The following RUNX1T1 variants were observed in gnomAD, a reference collection of about 807,000 sequenced individuals.
RUNX1T1 encodes the protein protein CBFA2T1.
RUNX1T1 carries 4 observed loss-of-function variants against 62.8 expected under a neutral mutation model. The ratio of observed to expected loss-of-function variants is 0.06; its 90% CI spans 0.03 to 0.15. RUNX1T1 has a LOEUF of 0.15. Among genes scored for constraint, RUNX1T1 ranks in the 10% least tolerant of loss-of-function variants. The pLI is 1.00. For missense variants in RUNX1T1, 508 were observed against 754.3 expected (o/e 0.67, Z 3.82); for synonymous variants, 291 against 286.0 (o/e 1.02, Z -0.18).
intron 10 of RUNX1T1, among the ~76,000 whole-genome samples, chr8:91,962,525 A>G (rs1395253941): frequency 6.6e-6 from 1 of 152,248 alleles, no homozygotes; most frequent in Admixed American, 6.5e-5. Flanking sequence ...CGCAAGTCTC[A>G]TTACCATAAC....
chr8:91,999,421 T>G (rs1176885588), intron 5 of RUNX1T1, among the ~76,000 whole-genome samples: 2 of 152,150 alleles, frequency 1.3e-5, no homozygotes, highest in Admixed American at 1.3e-4. Flanking sequence ...CTCAAAGCTA[T>G]GGAGAGAACT....
rs376282920 is a variant in RUNX1T1 at position 92,014,563 on chromosome 8, G to A, written c.387+16C>T. ...CCCTTACACCAAGAAAACTGGGTTG[G>A]TTTCCATTTGCTTACCACTAGTCCC... On this transcript the variant is annotated intron_variant, in intron 3 of 10. Coordinates refer to ENST00000396218, the Ensembl canonical transcript of RUNX1T1. The A allele has an allele frequency of 2.3e-5, 37 of 1,578,346 alleles. No homozygotes were observed. In the African/African-American group the frequency reaches 4.6e-4, roughly 20 times the overall value.
intron 5 of RUNX1T1, chr8:92,004,842 G>T (rs1293664887): frequency 6.3e-6 from 2 of 315,220 alleles, no homozygotes; most frequent in Non-Finnish European, 1.2e-5. Flanking sequence ...AGTGGTACTT[G>T]GCAAATCAGA....
At chr8:91,983,259 A>G (rs902225294) in intron 8 of RUNX1T1, among the ~76,000 whole-genome samples, 3 of 152,034 alleles carry the variant, frequency 2.0e-5, no homozygotes, top group African/African-American at 7.2e-5. Flanking sequence ...TTCAATTAGT[A>G]ATAGATTAAT....
chr8:91,957,855 G>T, downstream of RUNX1T1: 1 of 223,182 alleles, frequency 4.5e-6, no homozygotes, highest in Non-Finnish European at 8.9e-6. Context: ...CTGGCAGATG[G>T]ACTTCCAACA....
chr8:92,018,606 A>G (rs1187808883), intron 1 of RUNX1T1, among the ~76,000 whole-genome samples: 3 of 152,260 alleles, frequency 2.0e-5, no homozygotes, highest in Non-Finnish European at 4.4e-5. Flanking sequence ...TATAATAACC[A>G]CAGTGAGAAA....
At chr8:92,084,712 G>A (rs761000455) in intron 1 of RUNX1T1, among the ~76,000 whole-genome samples, 4 of 152,098 alleles carry the variant, frequency 2.6e-5, no homozygotes, top group African/African-American at 7.2e-5. Context: ...GTCACCAGAG[G>A]CTTAGGAGAG....
At chr8:92,035,281 G>C (rs996420930) in intron 1 of RUNX1T1, among the ~76,000 whole-genome samples, 70 of 137,170 alleles carry the variant, frequency 5.1e-4, no homozygotes, top group Non-Finnish European at 1.6e-4. Context: ...AGCGATAAGA[G>C]TGAAATTCCA....
chr8:92,100,715 A>G (rs757765795), upstream of RUNX1T1, among the ~76,000 whole-genome samples: 4 of 152,216 alleles, frequency 2.6e-5, no homozygotes, highest in Non-Finnish European at 5.9e-5. Context: ...AAAAAAACGA[A>G]AATGAAATCA....
At chr8:91,970,043 T>TGTGTGTGGTGTGTG (rs11374252) in intron 10 of RUNX1T1, among the ~76,000 whole-genome samples, 2 of 142,716 alleles carry the variant, frequency 1.4e-5, no homozygotes, top group Admixed American at 7.0e-5. Context: ...TGTGTGTGTG[T>TGTGTGTGGTGTGTG]TGTGTGTGTG....
rs973460379 is a variant in RUNX1T1, at chr8:92,007,623, C to T, written c.478-2326G>A. ...CACCTAGAATATATGGTATAGTCTA[C>T]GGCTCCTAGGCTATAAACATGTACA... On this transcript the variant is annotated intron_variant, in intron 4 of 10. Coordinates refer to ENST00000396218, the Ensembl canonical transcript of RUNX1T1. 9.9e-5 allele frequency among the ~76,000 whole-genome samples: 15 copies of T among 152,124 alleles called. 1 individual carries two copies. Among genetic ancestry groups the T allele is most frequent in the Admixed American group, 1.3e-4 (2 of 15,278 alleles).
intron 5 of RUNX1T1, chr8:92,004,374 T>C (rs1820333054): frequency 6.6e-6 from 1 of 152,248 alleles, no homozygotes; most frequent in Non-Finnish European, 1.5e-5. Flanking sequence ...AGAAGATAAT[T>C]ATAGATGAGG....
At chr8:92,017,175 T>A (rs191605549) in intron 2 of RUNX1T1, 51 bp downstream of exon 3, 9 of 1,323,410 alleles carry the variant, frequency 6.8e-6, no homozygotes, top group African/African-American at 4.4e-5. Flanking sequence ...CAGAAAAAAA[T>A]TTAATTTAAA....
intron 10 of RUNX1T1, among the ~76,000 whole-genome samples, chr8:91,966,236 C>T (rs1229599402): frequency 6.6e-6 from 1 of 151,286 alleles, no homozygotes; most frequent in East Asian, 1.9e-4. Flanking sequence ...TGGGAATCAA[C>T]TGGTCTGATG....
intron 5 of RUNX1T1, chr8:92,003,467 T>C (rs1820151513): frequency 4.5e-6 from 2 of 440,958 alleles, no homozygotes; most frequent in South Asian, 3.2e-5. Context: ...GTAAGTTGTG[T>C]CCATTTTCAA....
chr8:92,102,108 G>T (rs1162036235), upstream of RUNX1T1, among the ~76,000 whole-genome samples: 1 of 152,210 alleles, frequency 6.6e-6, no homozygotes, highest in Non-Finnish European at 1.5e-5. The surrounding 1 kb of genome is among the most constrained non-coding windows in gnomAD (Gnocchi z 4.5). Flanking sequence ...GGCCGGGGCG[G>T]CTGAGTCCAG....
chr8:92,020,892 T>G (rs2131207994), intron 1 of RUNX1T1, among the ~76,000 whole-genome samples: 1 of 152,082 alleles, frequency 6.6e-6, no homozygotes, highest in Non-Finnish European at 1.5e-5. Context: ...TTACTTTACT[T>G]TTAGTTAGTT....
At chr8:92,010,757 A>C (rs1486742822) in intron 4 of RUNX1T1, 1 of 361,964 alleles carries the variant, frequency 2.8e-6, no homozygotes, top group African/African-American at 2.1e-5. Context: ...AAAAATGAAC[A>C]AAACCTTTAT....
chr8:92,024,126 T>C (rs558187258), intron 1 of RUNX1T1, among the ~76,000 whole-genome samples: 1 of 152,326 alleles, frequency 6.6e-6, no homozygotes, highest in South Asian at 2.1e-4. Context: ...CCAAACCTTC[T>C]ACAGATTCCT....
Sources: allele counts gnomAD v4.1 joint callset (sites outside exome capture counted in the v4.1 genomes callset), GRCh38; gene constraint gnomAD v4.1.1; non-coding constraint Gnocchi (gnomAD v3.1); transcripts MANE v1.5; gene names NCBI Gene and HGNC (gene_info 2026-07-23, HGNC 2026-07-21).